XKR9: variants seen among roughly 807,000 people sequenced by gnomAD.
The protein encoded by XKR9 is XK related 9.
Under a neutral mutation model 32.0 loss-of-function variants are expected in XKR9, and 32 were observed. That is an observed-to-expected ratio of 1.00 (90% CI 0.76 to 1.34). The LOEUF is 1.34. Among genes scored for constraint, XKR9 ranks in the 40% most tolerant of loss-of-function variants. XKR9 has a pLI of 0.00. For missense variants in XKR9, 546 were observed against 429.7 expected (o/e 1.27, Z -2.39); for synonymous variants, 168 against 143.4 (o/e 1.17, Z -1.22).
the XKR9 span, among the ~76,000 whole-genome samples, chr8:70,963,089 T>G: frequency 6.6e-6 from 1 of 152,152 alleles, no homozygotes; most frequent in Non-Finnish European, 1.5e-5. Flanking sequence ...ATTAAACCCT[T>G]AACTATTCTT....
chr8:70,826,455 C>T, the XKR9 span, among the ~76,000 whole-genome samples: 15,501 of 119,932 alleles, frequency 0.13, 885 homozygotes, highest in Middle Eastern at 0.18. Flanking sequence ...TGATGGAAGA[C>T]ATCAGTTTAA....
intron 3 of XKR9, among the ~76,000 whole-genome samples, chr8:70,691,242 A>G (rs1805060972): frequency 1.3e-5 from 2 of 152,110 alleles, no homozygotes; most frequent in Non-Finnish European, 2.9e-5. Context: ...TCCTTTGCCC[A>G]CTTTTTAATG....
At chr8:70,870,038 A>AT in the XKR9 span, among the ~76,000 whole-genome samples, 2 of 152,182 alleles carry the variant, frequency 1.3e-5, no homozygotes, top group Non-Finnish European at 2.9e-5. Flanking sequence ...GGGACTGCTA[A>AT]TTTTTAGTTG....
chr8:70,882,077 C>T, the XKR9 span, among the ~76,000 whole-genome samples: 2 of 151,882 alleles, frequency 1.3e-5, no homozygotes, highest in African/African-American at 4.8e-5. Flanking sequence ...ATCACTTGGA[C>T]ACAGGGCGGG....
At chr8:71,002,934 G>A in the XKR9 span, among the ~76,000 whole-genome samples, 21 of 152,300 alleles carry the variant, frequency 1.4e-4, no homozygotes, top group South Asian at 4.3e-3. Context: ...TCTAGCTGAG[G>A]GAAGGTGTCT....
At chr8:71,060,115 C>A in the XKR9 span, among the ~76,000 whole-genome samples, 2 of 152,184 alleles carry the variant, frequency 1.3e-5, no homozygotes, top group Non-Finnish European at 2.9e-5. Context: ...GTGTTTAAAT[C>A]ATTCGCTCCA....
chr8:70,709,300 G>A (rs1381655642), intron 4 of XKR9, among the ~76,000 whole-genome samples: 5 of 151,606 alleles, frequency 3.3e-5, no homozygotes, highest in Admixed American at 6.6e-5. Flanking sequence ...GGGAATATAC[G>A]TAAAATAATG....
chr8:70,869,858 G>A, the XKR9 span, among the ~76,000 whole-genome samples: 1 of 152,156 alleles, frequency 6.6e-6, no homozygotes, highest in Non-Finnish European at 1.5e-5. Context: ...AGTACCTTAG[G>A]CAAGTGTGGT....
the XKR9 span, among the ~76,000 whole-genome samples, chr8:70,984,984 C>T: frequency 1.3e-5 from 2 of 151,972 alleles, no homozygotes; most frequent in Non-Finnish European, 2.9e-5. Context: ...CTCAAGATTT[C>T]CCAAGTATTC....
the XKR9 span, among the ~76,000 whole-genome samples, chr8:70,895,937 A>C: frequency 6.6e-6 from 1 of 152,218 alleles, no homozygotes; most frequent in African/African-American, 2.4e-5. Flanking sequence ...GAGCCCAGGA[A>C]GTCGAGGCTG....
chr8:70,823,964 G>A, the XKR9 span, among the ~76,000 whole-genome samples: 1 of 152,122 alleles, frequency 6.6e-6, no homozygotes, highest in African/African-American at 2.4e-5. Context: ...TTGAAATCTA[G>A]TTTTTGTAGT....
At chr8:70,804,731 G>A in the XKR9 span, among the ~76,000 whole-genome samples, 50 of 152,260 alleles carry the variant, frequency 3.3e-4, no homozygotes, top group South Asian at 2.1e-3. Flanking sequence ...AATTTTGCTG[G>A]TATTGAAGCT....
At chr8:70,796,602 A>G in the XKR9 span, among the ~76,000 whole-genome samples, 1 of 152,142 alleles carries the variant, frequency 6.6e-6, no homozygotes, top group Non-Finnish European at 1.5e-5. Flanking sequence ...TATTGACTTG[A>G]AATCTCTCTT....
the XKR9 span, among the ~76,000 whole-genome samples, chr8:70,986,470 C>G: frequency 1.3e-5 from 2 of 152,136 alleles, no homozygotes; most frequent in South Asian, 4.1e-4. Flanking sequence ...GTTCCTTGAC[C>G]TGTGCAGAGT....
chr8:70,930,692 G>T, the XKR9 span, among the ~76,000 whole-genome samples: 1 of 152,146 alleles, frequency 6.6e-6, no homozygotes, highest in Non-Finnish European at 1.5e-5. Flanking sequence ...ATTCAGAGTG[G>T]CAACCAACAT....
chr8:70,903,582 A>T, the XKR9 span, among the ~76,000 whole-genome samples: 1 of 152,056 alleles, frequency 6.6e-6, no homozygotes, highest in Non-Finnish European at 1.5e-5. Context: ...TCTTTTCAAA[A>T]AACCAGCTCC....
intron 2 of XKR9, among the ~76,000 whole-genome samples, chr8:70,751,966 T>A (rs1054214072): frequency 2.6e-5 from 4 of 152,246 alleles, no homozygotes; most frequent in African/African-American, 9.6e-5. Flanking sequence ...TCTCTCTTTA[T>A]ATCCTATTGG....
chr8:70,711,544 G>C (rs1303204567), intron 4 of XKR9, among the ~76,000 whole-genome samples: 1 of 152,118 alleles, frequency 6.6e-6, no homozygotes, highest in Non-Finnish European at 1.5e-5. Context: ...AAATACCACA[G>C]TGTTCTCACT....
chr8:71,040,712 A>G, the XKR9 span, among the ~76,000 whole-genome samples: 1 of 152,162 alleles, frequency 6.6e-6, no homozygotes, highest in Non-Finnish European at 1.5e-5. Context: ...ACTTATACAT[A>G]TAATTTTGTC....
Sources: gnomAD v4.1 joint callset for allele counts (sites outside exome capture counted in the v4.1 genomes callset) on GRCh38, gnomAD v4.1.1 for gene constraint, MANE v1.5 for transcripts, NCBI Gene and HGNC (gene_info 2026-07-23, HGNC 2026-07-21) for gene names.